NRXN3: variants seen among roughly 807,000 people sequenced by gnomAD.
NRXN3 encodes neurexin III.
Under a neutral mutation model 137.6 loss-of-function variants are expected in NRXN3, and 32 were observed. The ratio of observed to expected loss-of-function variants is 0.23; its 90% CI spans 0.18 to 0.31. NRXN3 has a LOEUF of 0.31. NRXN3 is among the 10% of genes least tolerant of loss of function. NRXN3 has a pLI of 1.00. For synonymous variants in NRXN3, 798 were observed against 784.5 expected, an observed-to-expected ratio of 1.02 and a Z score of -0.29; for missense variants, 1,574 against 2,062.5, an observed-to-expected ratio of 0.76 and a Z score of 4.59.
chr14:78,409,941 G>A (rs2092723182), intron 4 of NRXN3, among the ~76,000 whole-genome samples: 1 of 152,162 alleles, frequency 6.6e-6, no homozygotes, highest in South Asian at 2.1e-4. Flanking sequence ...AAGATCTCAT[G>A]TAATATTGCC....
chr14:78,874,720 G>A (rs1176918737), intron 10 of NRXN3, among the ~76,000 whole-genome samples: 1 of 152,118 alleles, frequency 6.6e-6, no homozygotes, highest in East Asian at 1.9e-4. Context: ...CAAATCTCCA[G>A]CTCTCTCTTT....
At chr14:78,253,290 T>G (rs2068939158) in intron 2 of NRXN3, among the ~76,000 whole-genome samples, 1 of 152,078 alleles carries the variant, frequency 6.6e-6, no homozygotes, top group South Asian at 2.1e-4. Flanking sequence ...GTGGCCCTGT[T>G]AGAGGATGCT....
chr14:78,820,652 A>C (rs2098948212), intron 10 of NRXN3, among the ~76,000 whole-genome samples: 1 of 152,166 alleles, frequency 6.6e-6, no homozygotes, highest in Non-Finnish European at 1.5e-5. Flanking sequence ...CTCTGTCAGC[A>C]GCACTGTCCT....
intron 4 of NRXN3, among the ~76,000 whole-genome samples, chr14:78,423,293 G>A (rs959072407): frequency 1.3e-5 from 2 of 152,086 alleles, no homozygotes; most frequent in Non-Finnish European, 2.9e-5. Context: ...ACATTCAGAC[G>A]CCAAAACTTG....
At chr14:79,236,375 A>G (rs966342220) in intron 15 of NRXN3, among the ~76,000 whole-genome samples, 2 of 152,130 alleles carry the variant, frequency 1.3e-5, no homozygotes, top group African/African-American at 4.8e-5. Flanking sequence ...ACATTTATGT[A>G]TATGTATGTA....
Position 78,405,618 on chromosome 14 carries a change from G to GGGGGC in NRXN3, c.757+107760_757+107761insGGCGG, listed in dbSNP as rs386381907. On this transcript the variant is annotated intron_variant, in intron 4 of 20. Transcript: ENST00000335750. ...AGTGGATGCTGGGGAAGGGGCGGGG[G>GGGGGC]GGTTCCGGGTATCTGATGAATTCCT... Among the ~76,000 whole-genome samples, 15 of 142,752 alleles carry GGGGGC rather than the reference G, an allele frequency of 1.1e-4. 1 individual carries two copies. Among genetic ancestry groups the GGGGGC allele is most frequent in the Non-Finnish European group, 2.2e-4 (14 of 64,794 alleles). The allele number at this position is 142,752 out of a possible 152,430, so 93.7% of individuals were successfully genotyped here. A position where few individuals can be genotyped will look rare whatever the true frequency, so the allele number is the denominator to read the frequency against.
chr14:79,339,687 T>C (rs1264747799), intron 15 of NRXN3, among the ~76,000 whole-genome samples: 1 of 152,166 alleles, frequency 6.6e-6, no homozygotes, highest in Non-Finnish European at 1.5e-5. Context: ...ACTGATCTAG[T>C]GATTATAGCC....
chr14:79,634,299 C>T (rs936878416), intron 16 of NRXN3, among the ~76,000 whole-genome samples: 2 of 147,420 alleles, frequency 1.4e-5, no homozygotes, highest in African/African-American at 5.2e-5. Flanking sequence ...GGAATCATGA[C>T]AGCAAATGAG....
chr14:78,332,318 CTTTT>C (rs5809877), intron 4 of NRXN3, among the ~76,000 whole-genome samples: 70 of 124,650 alleles, frequency 5.6e-4, no homozygotes, highest in Admixed American at 8.1e-4. Context: ...TTTTCTTCTT[CTTTT>C]TTTTTTTTTT....
At chr14:78,821,289 A>G (rs1435695103) in intron 10 of NRXN3, among the ~76,000 whole-genome samples, 2 of 152,176 alleles carry the variant, frequency 1.3e-5, no homozygotes. Flanking sequence ...ATCTAAAGCA[A>G]TAAACAGAGG....
chr14:79,038,615 G>A (rs10133681), intron 15 of NRXN3, among the ~76,000 whole-genome samples: 150,859 of 152,264 alleles, frequency 0.99, 74,758 homozygotes, highest in Middle Eastern at 1. Flanking sequence ...TTATCTCTAG[G>A]TAATTGTTGA....
intron 14 of NRXN3, among the ~76,000 whole-genome samples, chr14:78,978,476 T>C (rs562866109): frequency 1.3e-5 from 2 of 152,182 alleles, no homozygotes; most frequent in African/African-American, 4.8e-5. Context: ...TTCCTCCAGT[T>C]AAAATGAATA....
intron 8 of NRXN3, among the ~76,000 whole-genome samples, chr14:78,740,521 A>AT (rs1019763945): frequency 6.1e-5 from 9 of 147,498 alleles, no homozygotes; most frequent in Non-Finnish European, 7.5e-5. Flanking sequence ...TTAATTTGCA[A>AT]TTTTTTTCTT....
chr14:78,786,587 C>T (rs369496327), intron 8 of NRXN3, among the ~76,000 whole-genome samples: 50 of 152,170 alleles, frequency 3.3e-4, no homozygotes, highest in African/African-American at 1.1e-3. Context: ...TTGTATGTAA[C>T]GTCTGGCTCT....
chr14:79,515,250 T>A (rs1411350163), intron 16 of NRXN3, among the ~76,000 whole-genome samples: 1 of 150,544 alleles, frequency 6.6e-6, no homozygotes, highest in East Asian at 1.9e-4. Context: ...AAAGGTGGAC[T>A]GCCACAGGCA....
intron 16 of NRXN3, among the ~76,000 whole-genome samples, chr14:79,663,325 G>A (rs1005446850): frequency 1.3e-4 from 20 of 151,826 alleles, no homozygotes; most frequent in African/African-American, 4.8e-4. Context: ...TAACCATTCT[G>A]TACACCTCTG....
chr14:79,546,539 A>G lies in NRXN3; in HGVS notation c.3444+79137A>G, dbSNP rs186759943. ...AGATGAACAAGTGACTTGTAAGTGT[A>G]AAGTGGTATGGCTGTTTTTAATAAA... is the stretch of plus-strand genomic sequence containing the variant. On this transcript the variant is annotated intron_variant, in intron 16 of 20. Coordinates refer to ENST00000335750, the MANE Select transcript of NRXN3 (RefSeq NM_001330195.2). Among the ~76,000 whole-genome samples the G allele has an allele frequency of 2.3e-4, 35 of 152,310 alleles. No homozygotes were observed. In the East Asian group the frequency reaches 6.6e-3, roughly 29 times the overall value.
chr14:78,636,488 A>T (rs960371455), intron 4 of NRXN3, among the ~76,000 whole-genome samples: 1 of 152,092 alleles, frequency 6.6e-6, no homozygotes, highest in Non-Finnish European at 1.5e-5. Flanking sequence ...AAGCAGATGA[A>T]TCACTGCAGG....
chr14:79,119,933 A>G (rs1457914685), intron 15 of NRXN3, among the ~76,000 whole-genome samples: 1 of 152,184 alleles, frequency 6.6e-6, no homozygotes, highest in Non-Finnish European at 1.5e-5. Flanking sequence ...ATTGAAATCA[A>G]TAACAATTCA....
Sources: gnomAD v4.1 joint callset for allele counts (sites outside exome capture counted in the v4.1 genomes callset) on GRCh38, gnomAD v4.1.1 for gene constraint, MANE v1.5 for transcripts, NCBI Gene and HGNC (gene_info 2026-07-23, HGNC 2026-07-21) for gene names.